The following ANTXR1 variants were observed in gnomAD, a reference collection of about 807,000 sequenced individuals.
ANTXR1 encodes the protein anthrax toxin receptor 1.
In ANTXR1, 19 loss-of-function variants were observed where a neutral mutation model predicts 78.1. The ratio of observed to expected loss-of-function variants is 0.24; its 90% CI spans 0.17 to 0.36. ANTXR1 has a LOEUF of 0.36. Among genes scored for constraint, ANTXR1 ranks in the 10% least tolerant of loss-of-function variants. The probability of loss-of-function intolerance (pLI) is 1.00; values close to 1 mark genes in which losing one functional copy is unlikely to be tolerated. For missense variants in ANTXR1, 518 were observed against 718.6 expected (o/e 0.72, Z 3.19); for synonymous variants, 273 against 260.5 (o/e 1.05, Z -0.46).
chr2:69,124,677 C>T, intron 12 of ANTXR1, 34 bp downstream of exon 12: 1 of 1,603,156 alleles, frequency 6.2e-7, no homozygotes, highest in Non-Finnish European at 8.5e-7. Flanking sequence ...CTAAAGATCT[C>T]ATTATCATTG....
intron 14 of ANTXR1, among the ~76,000 whole-genome samples, chr2:69,178,398 G>C (rs1674188179): frequency 6.6e-6 from 1 of 152,246 alleles, no homozygotes; most frequent in South Asian, 2.1e-4. Flanking sequence ...ATTAAGCGAC[G>C]GGCTCGGTGG....
At chr2:69,080,324 T>C (rs1268805459) in intron 8 of ANTXR1, among the ~76,000 whole-genome samples, 4 of 148,758 alleles carry the variant, frequency 2.7e-5, no homozygotes, top group Non-Finnish European at 4.5e-5. Context: ...AACTCTCAAT[T>C]TCCCCCCCAT....
intron 3 of ANTXR1, among the ~76,000 whole-genome samples, chr2:69,068,472 T>C (rs1670467944): frequency 6.6e-6 from 1 of 152,174 alleles, no homozygotes; most frequent in East Asian, 1.9e-4. Context: ...CATGAAGAGC[T>C]GGTCAAATAG....
chr2:69,055,898 C>T lies in ANTXR1; in HGVS notation c.296+11085C>T, dbSNP rs1248039999. The stretch of plus-strand genomic sequence containing the variant: ...TGGTTTCCAATTTGGGCTCCACCAC[C>T]ATGTGCATGTAATTGCACTTCTCTG... On this transcript the variant is annotated intron_variant, in intron 3 of 17. Transcript: ENST00000303714. 5.9e-5 allele frequency among the ~76,000 whole-genome samples: 9 copies of T among 152,274 alleles called. No homozygotes were observed. In the East Asian group the frequency reaches 1.7e-3, roughly 29 times the overall value.
intron 13 of ANTXR1, among the ~76,000 whole-genome samples, 182 bp downstream of exon 13, chr2:69,152,446 G>T (rs955079144): frequency 1.3e-5 from 2 of 152,238 alleles, no homozygotes; most frequent in African/African-American, 4.8e-5. Flanking sequence ...GTCACCAGCA[G>T]TCAGTATGAG....
chr2:69,209,887 A>C (rs1044776443), intron 17 of ANTXR1, among the ~76,000 whole-genome samples: 4 of 152,120 alleles, frequency 2.6e-5, no homozygotes, highest in Non-Finnish European at 5.9e-5. Flanking sequence ...AGCAGGGGGG[A>C]GACAAGTGCC....
At position 69,167,720 on chromosome 2, in the gene ANTXR1, G is replaced by T. The variant is rs1274230009; in HGVS notation, c.1048-2528G>T. 2.0e-5 allele frequency among the ~76,000 whole-genome samples: 3 copies of T among 152,334 alleles called. No individual in the cohort carries two copies. The East Asian group carries it at 5.8e-4, about 29-fold the overall frequency. On this transcript the variant is annotated intron_variant, in intron 13 of 17. Coordinates refer to ENST00000303714, the MANE Select transcript of ANTXR1 (RefSeq NM_032208.3). The stretch of plus-strand genomic sequence containing the variant: ...GAACATAACCAGAAGCCGAACCAGT[G>T]AGACCAGGTTGGAGGTGCTTAATTC...
intron 13 of ANTXR1, among the ~76,000 whole-genome samples, chr2:69,168,417 G>A (rs964626098): frequency 6.6e-6 from 1 of 152,208 alleles, no homozygotes; most frequent in African/African-American, 2.4e-5. Flanking sequence ...ACAGTCAGGA[G>A]AAGGCAGGTC....
chr2:69,211,720 T>C (rs1350446496), intron 17 of ANTXR1, among the ~76,000 whole-genome samples: 1 of 152,246 alleles, frequency 6.6e-6, no homozygotes, highest in Admixed American at 6.5e-5. Context: ...AGAGCATCAC[T>C]TGGGACTAAC....
intron 10 of ANTXR1, among the ~76,000 whole-genome samples, chr2:69,108,701 A>C (rs1671887631): frequency 6.6e-6 from 1 of 152,086 alleles, no homozygotes; most frequent in South Asian, 2.1e-4. Flanking sequence ...CCCACTTACA[A>C]GTGAGAGCAT....
At chr2:69,023,253 G>A (rs920996538) in intron 1 of ANTXR1, among the ~76,000 whole-genome samples, 3 of 146,818 alleles carry the variant, frequency 2.0e-5, no homozygotes, top group Non-Finnish European at 4.4e-5. Context: ...GTGCTGAGAC[G>A]ATAGATGGTG....
chr2:69,147,198 A>C (rs2093713717), intron 12 of ANTXR1, among the ~76,000 whole-genome samples: 1 of 152,280 alleles, frequency 6.6e-6, no homozygotes, highest in African/African-American at 2.4e-5. Context: ...CCTGTTCCTT[A>C]GCACCTGAGT....
intron 1 of ANTXR1, among the ~76,000 whole-genome samples, chr2:69,016,029 C>T (rs1413152013): frequency 1.3e-5 from 2 of 152,116 alleles, no homozygotes; most frequent in Non-Finnish European, 2.9e-5. Context: ...TTACAATATT[C>T]AGTATTGGCC....
chr2:69,040,432 T>C (rs953723588), intron 2 of ANTXR1, among the ~76,000 whole-genome samples: 1 of 152,234 alleles, frequency 6.6e-6, no homozygotes, highest in Non-Finnish European at 1.5e-5. Context: ...GCAGCAGCAA[T>C]TGGCACATTT....
chr2:69,102,077 G>A (rs1054889065), intron 9 of ANTXR1, among the ~76,000 whole-genome samples: 1 of 152,226 alleles, frequency 6.6e-6, no homozygotes, highest in Non-Finnish European at 1.5e-5. Context: ...AGAGACAAAT[G>A]AGTACTACAC....
At position 69,069,439 on chromosome 2, in the gene ANTXR1, A is replaced by G. The variant is rs115291856; in HGVS notation, c.297-1208A>G. ...GGCTTAAGTGGATCGATTGTATTTC[A>G]TGTATTTAGACAGAGCCTGGCACCA... On this transcript the variant is annotated intron_variant, in intron 3 of 17. Transcript: ENST00000303714. Among the ~76,000 whole-genome samples, 1,047 of 152,254 alleles carry G rather than the reference A, an allele frequency of 6.9e-3. 5 individuals are homozygous for G. Among genetic ancestry groups the G allele is most frequent in the Non-Finnish European group, 8.1e-3 (550 of 68,018 alleles).
At chr2:69,114,804 C>G (rs924970590) in intron 10 of ANTXR1, among the ~76,000 whole-genome samples, 1 of 152,296 alleles carries the variant, frequency 6.6e-6, no homozygotes, top group Non-Finnish European at 1.5e-5. Flanking sequence ...AGGGCTTTAT[C>G]AAGAGACATT....
chr2:69,057,741 C>T (rs1423094898), intron 3 of ANTXR1, among the ~76,000 whole-genome samples: 3 of 152,168 alleles, frequency 2.0e-5, no homozygotes, highest in African/African-American at 7.2e-5. Flanking sequence ...GCAAGTTCCT[C>T]ACTTTAAATT....
At position 69,226,602 on chromosome 2, in the gene ANTXR1, C is replaced by T. The variant is rs74826357; in HGVS notation, c.1435-18623C>T. Among the ~76,000 whole-genome samples, 430 of 152,256 alleles carry T rather than the reference C, an allele frequency of 2.8e-3. 11 individuals are homozygous for T. The East Asian group carries it at 0.036, about 13-fold the overall frequency. ...CGGGAGTCAGAGGCCCATCCAGGTACTTGGGGTGACCTTGTTATCCTGGTA... is the reference window on the plus strand; with the variant it reads ...CGGGAGTCAGAGGCCCATCCAGGTATTTGGGGTGACCTTGTTATCCTGGTA... On this transcript the variant is annotated intron_variant, in intron 17 of 17. Transcript: ENST00000303714.
Sources: allele counts gnomAD v4.1 joint callset (sites outside exome capture counted in the v4.1 genomes callset), GRCh38; gene constraint gnomAD v4.1.1; transcripts MANE v1.5; gene names NCBI Gene and HGNC (gene_info 2026-07-23, HGNC 2026-07-21).